The following BABAM2 variants were observed in gnomAD, a reference collection of about 807,000 sequenced individuals.
BABAM2 encodes the protein BRISC and BRCA1 A complex member 2.
A neutral mutation model predicts 54.7 loss-of-function variants in BABAM2; 31 were observed. That is an observed-to-expected ratio of 0.57 (90% CI 0.43 to 0.77). The LOEUF (loss-of-function observed/expected upper bound fraction) is 0.77, where lower values mean the gene tolerates loss of function less well. BABAM2 is among the 30% of genes least tolerant of loss of function. The pLI is 0.00. For synonymous variants in BABAM2, 167 were observed against 162.9 expected (o/e 1.03, Z -0.19); for missense variants, 364 against 455.8 (o/e 0.80, Z 1.83).
chr2:28,017,910 T>G (rs922584809), intron 4 of BABAM2, among the ~76,000 whole-genome samples: 2 of 152,260 alleles, frequency 1.3e-5, no homozygotes, highest in African/African-American at 4.8e-5. Context: ...CATCATTGGT[T>G]GATGGACATT....
chr2:28,286,618 C>G (rs1049559023), intron 10 of BABAM2, among the ~76,000 whole-genome samples: 4 of 152,174 alleles, frequency 2.6e-5, no homozygotes, highest in African/African-American at 9.6e-5. Flanking sequence ...ATAGTCCTCC[C>G]ACTGCCACTG....
chr2:28,164,477 G>T (rs188155616), intron 7 of BABAM2, among the ~76,000 whole-genome samples: 111 of 151,888 alleles, frequency 7.3e-4, no homozygotes, highest in African/African-American at 2.6e-3. Context: ...TGTTCCGAGT[G>T]AACAGATGTT....
chr2:28,122,947 A>T (rs748872505), intron 6 of BABAM2, among the ~76,000 whole-genome samples: 8 of 152,184 alleles, frequency 5.3e-5, no homozygotes, highest in Non-Finnish European at 1.2e-4. Context: ...AATCTTAAGC[A>T]TAGACTTAAG....
At chr2:28,238,971 A>T (rs536294249) in intron 8 of BABAM2, among the ~76,000 whole-genome samples, 4 of 152,280 alleles carry the variant, frequency 2.6e-5, no homozygotes, top group African/African-American at 9.6e-5. Flanking sequence ...TGAGGACAGT[A>T]TGGGCTGCTT....
Position 28,025,095 on chromosome 2 carries a change from G to A in BABAM2, c.301-131G>A, listed in dbSNP as rs576534212. 47 of 767,752 alleles carry A rather than the reference G, an allele frequency of 6.1e-5. No individual in the cohort carries two copies. The East Asian group carries it at 1.3e-3, about 21-fold the overall frequency. 47.6% of individuals were successfully genotyped at this position (767,752 alleles called of 1,614,324 possible). A position where few individuals can be genotyped will look rare whatever the true frequency, so the allele number is the denominator to read the frequency against. On this transcript the variant is annotated intron_variant, in intron 4 of 11. Coordinates refer to ENST00000379624, the MANE Select transcript of BABAM2 (RefSeq NM_199191.3). ...CTCTAACTTCATCTCTGGGTATATGGCTAAGGAGGAGTAGTCTGTTCCTCT... is the reference window on the plus strand; with the variant it reads ...CTCTAACTTCATCTCTGGGTATATGACTAAGGAGGAGTAGTCTGTTCCTCT...
chr2:27,933,679 G>A (rs1195707740), intron 3 of BABAM2, among the ~76,000 whole-genome samples: 1 of 151,376 alleles, frequency 6.6e-6, no homozygotes, highest in African/African-American at 2.4e-5. Flanking sequence ...TGGCCAGGAT[G>A]GTCTCGATCT....
At chr2:28,114,154 A>G (rs1177565401) in intron 6 of BABAM2, among the ~76,000 whole-genome samples, 2 of 152,232 alleles carry the variant, frequency 1.3e-5, no homozygotes, top group African/African-American at 2.4e-5. Flanking sequence ...TCAACATAAT[A>G]TTGGAAGTTC....
chr2:28,215,137 T>C (rs527696271), intron 7 of BABAM2, among the ~76,000 whole-genome samples: 1 of 152,338 alleles, frequency 6.6e-6, no homozygotes, highest in African/African-American at 2.4e-5. Context: ...TATAGATTCA[T>C]GTAAGGTTCT....
At chr2:28,176,992 G>T (rs1430245567) in intron 7 of BABAM2, among the ~76,000 whole-genome samples, 3 of 152,260 alleles carry the variant, frequency 2.0e-5, no homozygotes, top group East Asian at 3.9e-4. Flanking sequence ...CCTGTTTAAT[G>T]AAATAATAGC....
intron 7 of BABAM2, among the ~76,000 whole-genome samples, chr2:28,188,402 A>T (rs976144592): frequency 6.6e-6 from 1 of 152,190 alleles, no homozygotes; most frequent in African/African-American, 2.4e-5. Flanking sequence ...ACTTGAAAAC[A>T]AGTTGGTTAT....
At chr2:28,217,483 C>T (rs977325070) in intron 7 of BABAM2, among the ~76,000 whole-genome samples, 8 of 152,154 alleles carry the variant, frequency 5.3e-5, no homozygotes, top group African/African-American at 1.7e-4. Flanking sequence ...AGTAGCCCTG[C>T]GAACCTAATT....
At chr2:28,189,937 G>A (rs1333587608) in intron 7 of BABAM2, among the ~76,000 whole-genome samples, 1 of 152,120 alleles carries the variant, frequency 6.6e-6, no homozygotes, top group Non-Finnish European at 1.5e-5. Flanking sequence ...CATAAAGAGA[G>A]AAAAATAGAT....
At chr2:28,312,945 C>G (rs1156414132) in intron 11 of BABAM2, among the ~76,000 whole-genome samples, 1 of 152,150 alleles carries the variant, frequency 6.6e-6, no homozygotes, top group Non-Finnish European at 1.5e-5. Flanking sequence ...ACCCTATGCC[C>G]CTGATTACTG....
chr2:28,251,524 G>T (rs1033959045), intron 10 of BABAM2, among the ~76,000 whole-genome samples: 1 of 152,144 alleles, frequency 6.6e-6, no homozygotes, highest in African/African-American at 2.4e-5. Context: ...CAAAGCTGTC[G>T]TAGTAGCAGC....
chr2:28,072,101 A>T (rs770404892), intron 6 of BABAM2, among the ~76,000 whole-genome samples: 21 of 151,616 alleles, frequency 1.4e-4, no homozygotes, highest in Non-Finnish European at 2.4e-4. Context: ...ACTCACTATA[A>T]CCTCAAACTC....
chr2:27,973,314 G>A (rs2148456112), intron 3 of BABAM2, among the ~76,000 whole-genome samples: 1 of 152,064 alleles, frequency 6.6e-6, no homozygotes, highest in East Asian at 1.9e-4. Flanking sequence ...CTCCTGGTTT[G>A]GATCCTAGGA....
At chr2:27,951,103 A>T (rs1358774145) in intron 3 of BABAM2, among the ~76,000 whole-genome samples, 1 of 152,180 alleles carries the variant, frequency 6.6e-6, no homozygotes, top group Non-Finnish European at 1.5e-5. Flanking sequence ...CATGTTGTGG[A>T]AGAACCAGCT....
At chr2:28,160,394 T>G (rs1191465234) in intron 7 of BABAM2, among the ~76,000 whole-genome samples, 1 of 152,212 alleles carries the variant, frequency 6.6e-6, no homozygotes, top group Non-Finnish European at 1.5e-5. Flanking sequence ...AGGTATGTAT[T>G]AATTTATCTT....
intron 4 of BABAM2, among the ~76,000 whole-genome samples, chr2:28,003,911 A>G (rs537941789): frequency 6.6e-6 from 1 of 152,266 alleles, no homozygotes; most frequent in Admixed American, 6.5e-5. Context: ...TTTTCAAAGA[A>G]GCCCTAAGTT....
Sources: gnomAD v4.1 joint callset for allele counts (sites outside exome capture counted in the v4.1 genomes callset) on GRCh38, gnomAD v4.1.1 for gene constraint, MANE v1.5 for transcripts, NCBI Gene and HGNC (gene_info 2026-07-23, HGNC 2026-07-21) for gene names.